The following SPOCK1 variants were observed in gnomAD, a reference collection of about 807,000 sequenced individuals.
The protein encoded by SPOCK1 is testican-1.
A neutral mutation model predicts 55.3 loss-of-function variants in SPOCK1; 23 were observed. The ratio of observed to expected loss-of-function variants is 0.42; its 90% CI spans 0.30 to 0.59. The LOEUF (loss-of-function observed/expected upper bound fraction) is 0.59, where lower values mean the gene tolerates loss of function less well. Among genes scored for constraint, SPOCK1 ranks in the 20% least tolerant of loss-of-function variants. The pLI, the probability that SPOCK1 is intolerant of heterozygous loss-of-function variation, is 0.22. For synonymous variants in SPOCK1, 226 were observed against 221.0 expected, an observed-to-expected ratio of 1.02 and a Z score of -0.20; for missense variants, 499 against 552.5, an observed-to-expected ratio of 0.90 and a Z score of 0.97.
chr5:137,320,175 G>A (rs909168495), intron 2 of SPOCK1, among the ~76,000 whole-genome samples: 5 of 152,198 alleles, frequency 3.3e-5, no homozygotes, highest in Non-Finnish European at 7.3e-5. Context: ...TCTCCCTTGG[G>A]AGGGAAATTG....
In SPOCK1 at chr5:136,978,196, T is replaced by C. The variant is rs879913948; in HGVS notation, c.*458A>G. ...GAAAAAGTACAGTGTGGTGTATTTTTTGTTTTTTTCTTTTTCACAACATCT... is the reference window on the plus strand; with the variant it reads ...GAAAAAGTACAGTGTGGTGTATTTTCTGTTTTTTTCTTTTTCACAACATCT... On this transcript the variant is annotated 3_prime_UTR_variant, in exon 11 of 11. Transcript: ENST00000394945. The C allele has an allele frequency of 1.9e-4, 69 of 354,448 alleles. No individual in the cohort carries two copies. Among genetic ancestry groups the C allele is most frequent in the Admixed American group, 1.4e-3 (30 of 21,462 alleles). 22.0% of individuals were successfully genotyped at this position (354,448 alleles called of 1,614,324 possible).
intron 2 of SPOCK1, among the ~76,000 whole-genome samples, chr5:137,369,609 C>T (rs1368129408): frequency 3.9e-5 from 6 of 152,168 alleles, no homozygotes; most frequent in East Asian, 3.9e-4. Context: ...TGTCTTAGCT[C>T]GGGTTTCCGT....
chr5:137,399,691 C>T (rs895789129), intron 2 of SPOCK1, among the ~76,000 whole-genome samples: 8 of 152,144 alleles, frequency 5.3e-5, no homozygotes, highest in Non-Finnish European at 1.0e-4. Flanking sequence ...CAGAAGAAAG[C>T]TTTGTGCAGT....
chr5:137,160,900 T>C (rs1209453550), intron 3 of SPOCK1, among the ~76,000 whole-genome samples: 2 of 146,004 alleles, frequency 1.4e-5, no homozygotes, highest in Non-Finnish European at 3.0e-5. Context: ...GAAGTCATTA[T>C]TCGAAAAAGA....
intron 6 of SPOCK1, among the ~76,000 whole-genome samples, chr5:137,020,109 G>GA (rs1751537498): frequency 6.7e-6 from 1 of 150,040 alleles, no homozygotes. Flanking sequence ...TCCAAAATTA[G>GA]AAAAAAAGGA....
At chr5:137,456,552 A>T (rs1471199614) in intron 2 of SPOCK1, among the ~76,000 whole-genome samples, 4 of 152,164 alleles carry the variant, frequency 2.6e-5, no homozygotes, top group African/African-American at 9.7e-5. Flanking sequence ...CCATCAGCTT[A>T]ATTAGAATTT....
At chr5:137,238,221 G>A (rs1057416275) in intron 3 of SPOCK1, among the ~76,000 whole-genome samples, 2 of 152,160 alleles carry the variant, frequency 1.3e-5, no homozygotes, top group African/African-American at 4.8e-5. Context: ...GTTATCAGTA[G>A]GTCTTATTAG....
chr5:136,984,109 C>T (rs889703316), intron 9 of SPOCK1, among the ~76,000 whole-genome samples: 2 of 152,126 alleles, frequency 1.3e-5, no homozygotes, highest in Non-Finnish European at 2.9e-5. Context: ...TGCCTTCAGA[C>T]CAGAAATATA....
At chr5:137,399,408 T>C (rs1014144537) in intron 2 of SPOCK1, among the ~76,000 whole-genome samples, 7 of 151,924 alleles carry the variant, frequency 4.6e-5, no homozygotes, top group African/African-American at 1.2e-4. Flanking sequence ...AATTGCTTTA[T>C]TGAGGTATGA....
chr5:137,309,607 G>A (rs1311336717), intron 2 of SPOCK1, among the ~76,000 whole-genome samples: 2 of 152,126 alleles, frequency 1.3e-5, no homozygotes, highest in Non-Finnish European at 2.9e-5. Flanking sequence ...GGTTGAGTGC[G>A]CTATAACCTG....
intron 3 of SPOCK1, among the ~76,000 whole-genome samples, chr5:137,153,394 T>C (rs1262931399): frequency 6.6e-6 from 1 of 152,226 alleles, no homozygotes; most frequent in Admixed American, 6.5e-5. Flanking sequence ...TCATTTTTAA[T>C]GTAGGGGAGA....
intron 2 of SPOCK1, among the ~76,000 whole-genome samples, chr5:137,368,433 G>A (rs1052398512): frequency 1.3e-5 from 2 of 152,180 alleles, no homozygotes; most frequent in African/African-American, 2.4e-5. Context: ...CCACAAGCAA[G>A]TGAGACCTGG....
At chr5:137,477,743 T>G (rs1753865777) in intron 2 of SPOCK1, among the ~76,000 whole-genome samples, 1 of 152,090 alleles carries the variant, frequency 6.6e-6, no homozygotes, top group South Asian at 2.1e-4. Flanking sequence ...GAGCACCCCT[T>G]GCTAAGCTCC....
Position 137,267,047 on chromosome 5 carries a change from A to G in SPOCK1, c.195T>C (p.Tyr65=). The part of the protein sequence containing the change: ...KYWNRFRDDD[Y]FRNWNPNKPF... Reference sequence around the variant, plus strand: ...GCTTGTTGGGATTCCAGTTTCTGAAATAATCATCCTATATAAGGAAAAAAT... The same window carrying G: ...GCTTGTTGGGATTCCAGTTTCTGAAGTAATCATCCTATATAAGGAAAAAAT... The change falls in exon 3 of 11, where the codon TAT becomes TAC. Residue 65 remains tyrosine (Y), a synonymous_variant. Transcript: ENST00000394945. 1 of 1,612,876 alleles carries G rather than the reference A, an allele frequency of 6.2e-7. No individual in the cohort carries two copies. Among genetic ancestry groups the G allele is most frequent in the South Asian group, 1.1e-5 (1 of 91,022 alleles).
intron 6 of SPOCK1, among the ~76,000 whole-genome samples, chr5:137,058,677 T>C (rs1752341095): frequency 6.6e-6 from 1 of 151,918 alleles, no homozygotes; most frequent in South Asian, 2.1e-4. Context: ...GAAAAATAAA[T>C]AGGAGAAGGT....
intron 2 of SPOCK1, among the ~76,000 whole-genome samples, chr5:137,446,735 T>C (rs1015067512): frequency 1.3e-5 from 2 of 152,208 alleles, no homozygotes; most frequent in Non-Finnish European, 2.9e-5. Context: ...TATATTCACA[T>C]TGTTGTGCAA....
intron 2 of SPOCK1, among the ~76,000 whole-genome samples, chr5:137,388,283 G>A (rs756815814): frequency 4.6e-5 from 7 of 151,906 alleles, no homozygotes; most frequent in African/African-American, 7.3e-5. Flanking sequence ...CTGAAAGCAC[G>A]CAAACTATAT....
intron 3 of SPOCK1, among the ~76,000 whole-genome samples, chr5:137,146,722 C>T (rs923959702): frequency 1.3e-5 from 2 of 152,178 alleles, no homozygotes; most frequent in African/African-American, 4.8e-5. Flanking sequence ...GAAGATTCTG[C>T]CCATAGGATT....
At chr5:137,071,665 C>A (rs985621179) in intron 5 of SPOCK1, among the ~76,000 whole-genome samples, 5 of 152,180 alleles carry the variant, frequency 3.3e-5, no homozygotes, top group Non-Finnish European at 5.9e-5. Context: ...CCAGAAAACT[C>A]CATGAGCAAG....
Sources: gnomAD v4.1 joint callset for allele counts (sites outside exome capture counted in the v4.1 genomes callset) on GRCh38, gnomAD v4.1.1 for gene constraint, MANE v1.5 for transcripts, NCBI Gene and HGNC (gene_info 2026-07-23, HGNC 2026-07-21) for gene names.